The following PCGF5 variants were observed in gnomAD, a reference collection of about 807,000 sequenced individuals.
PCGF5 encodes the protein polycomb group RING finger protein 5.
In PCGF5, 9 loss-of-function variants were observed where a neutral mutation model predicts 44.3. The ratio of observed to expected loss-of-function variants is 0.20; its 90% CI spans 0.12 to 0.35. The LOEUF is 0.35. Ranked by LOEUF, PCGF5 falls within the 10% of genes least tolerant of loss-of-function variation. The probability of loss-of-function intolerance (pLI) is 1.00; values close to 1 mark genes in which losing one functional copy is unlikely to be tolerated. For missense variants in PCGF5, 146 were observed against 305.3 expected (o/e 0.48, Z 3.89); for synonymous variants, 95 against 102.5 (o/e 0.93, Z 0.44).
chr10:91,256,994 C>G (rs542262373), intron 6 of PCGF5, among the ~76,000 whole-genome samples: 1 of 152,016 alleles, frequency 6.6e-6, no homozygotes, highest in Non-Finnish European at 1.5e-5. Flanking sequence ...ATGTAAAACT[C>G]TTGTGTATCA....
At chr10:91,172,545 G>A (rs1040630963) in intron 1 of PCGF5, among the ~76,000 whole-genome samples, 1 of 152,280 alleles carries the variant, frequency 6.6e-6, no homozygotes, top group Non-Finnish European at 1.5e-5. Context: ...CCAAATAAAT[G>A]ACTCCACATC....
At chr10:91,271,542 C>A in intron 8 of PCGF5, 96 bp from the exon 9 acceptor site, 1 of 941,022 alleles carries the variant, frequency 1.1e-6, no homozygotes, top group Non-Finnish European at 1.6e-6. Context: ...ATCATGTTGA[C>A]TCTTGTGTTT....
At chr10:91,259,957 T>C (rs1434991615) in intron 6 of PCGF5, among the ~76,000 whole-genome samples, 1 of 151,336 alleles carries the variant, frequency 6.6e-6, no homozygotes, top group African/African-American at 2.4e-5. Context: ...AAGCCAAAAT[T>C]GACAAATGGG....
intron 6 of PCGF5, among the ~76,000 whole-genome samples, chr10:91,259,342 G>T (rs1012696536): frequency 1.3e-5 from 2 of 152,084 alleles, no homozygotes; most frequent in Non-Finnish European, 2.9e-5. Context: ...GAACCCTATG[G>T]CTCCTCAGGG....
At chr10:91,189,732 G>A (rs1012708655) in intron 1 of PCGF5, among the ~76,000 whole-genome samples, 5 of 152,128 alleles carry the variant, frequency 3.3e-5, no homozygotes, top group African/African-American at 4.8e-5. Flanking sequence ...GTTCTTTTTC[G>A]CTTAGGCCTT....
chr10:91,199,335 G>A (rs1844203123), intron 1 of PCGF5, among the ~76,000 whole-genome samples: 1 of 152,264 alleles, frequency 6.6e-6, no homozygotes. Context: ...CAGAAAAGGA[G>A]TTGAGCTGTA....
At chr10:91,223,029 C>A in intron 2 of PCGF5, 46 bp downstream of exon 2, 4 of 1,250,164 alleles carry the variant, frequency 3.2e-6, no homozygotes, top group Non-Finnish European at 4.6e-6. Flanking sequence ...TTTATATGTA[C>A]ATTTTGTTCT....
At chr10:91,264,968 C>T (rs1846013682) in intron 8 of PCGF5, among the ~76,000 whole-genome samples, 1 of 152,014 alleles carries the variant, frequency 6.6e-6, no homozygotes, top group Non-Finnish European at 1.5e-5. Context: ...ACCTCCTTTT[C>T]GTTGAAAATA....
At chr10:91,201,671 A>G (rs1324201368) in intron 1 of PCGF5, among the ~76,000 whole-genome samples, 1 of 152,092 alleles carries the variant, frequency 6.6e-6, no homozygotes, top group African/African-American at 2.4e-5. Flanking sequence ...AGATTTTTTA[A>G]CACTACTGTA....
At chr10:91,227,686 T>A in intron 2 of PCGF5, 1 of 1,046,608 alleles carries the variant, frequency 9.6e-7, no homozygotes, top group Non-Finnish European at 1.2e-6. Context: ...CCCTAAAATT[T>A]CCTAAAGGTA....
At position 91,280,683 on chromosome 10, in the gene PCGF5, A is replaced by G. The variant is rs1270313975; in HGVS notation, c.*2367A>G. 1.3e-5 allele frequency: 2 copies of G among 152,416 alleles called. No homozygotes were observed. The highest frequency in any genetic ancestry group is 1.9e-4 in the East Asian group (1 of 5,198). The allele number at this position is 152,416 out of a possible 1,614,324, so 9.4% of individuals were successfully genotyped here. A position where few individuals can be genotyped will look rare whatever the true frequency, so the allele number is the denominator to read the frequency against. ...ATTTCTTCAACTGACTTATTTTGGT[A>G]TATTCAACTACAGCTTTCTAAGGAT... On this transcript the variant is annotated 3_prime_UTR_variant, in exon 10 of 10. Transcript: ENST00000336126.
chr10:91,162,439 C>T (rs1843402777), upstream of PCGF5, among the ~76,000 whole-genome samples: 1 of 152,154 alleles, frequency 6.6e-6, no homozygotes, highest in African/African-American at 2.4e-5. Flanking sequence ...GGGAGGCATA[C>T]TGACATTCGA....
At position 91,281,999 on chromosome 10, in the gene PCGF5, A is replaced by G. The variant is rs982459877; in HGVS notation, c.*3683A>G. Reference sequence around the variant, plus strand: ...GTTTTTATTTCATGGAGGCAGTGTTAACTAAAATTAAGCTTAGATTTAGCT... The same window carrying G: ...GTTTTTATTTCATGGAGGCAGTGTTGACTAAAATTAAGCTTAGATTTAGCT... On this transcript the variant is annotated 3_prime_UTR_variant, in exon 10 of 10. Transcript: ENST00000336126. The G allele has an allele frequency of 6.6e-6, 1 of 152,236 alleles. No individual in the cohort carries two copies. Among genetic ancestry groups the G allele is most frequent in the Admixed American group, 6.5e-5 (1 of 15,286 alleles). 9.4% of individuals were successfully genotyped at this position (152,236 alleles called of 1,614,324 possible).
chr10:91,261,499 CTG>C (rs1845907721), intron 7 of PCGF5, 75 bp downstream of exon 7: 4 of 1,306,630 alleles, frequency 3.1e-6, no homozygotes, highest in East Asian at 5.4e-5. Flanking sequence ...AAAGTGAAAA[CTG>C]AGAATATATT....
intron 1 of PCGF5, among the ~76,000 whole-genome samples, chr10:91,208,785 C>T (rs1008890263): frequency 6.6e-6 from 1 of 152,198 alleles, no homozygotes; most frequent in African/African-American, 2.4e-5. Flanking sequence ...GAGCTGGCTT[C>T]AGTTCCTGGT....
At chr10:91,162,879 G>GCGCCGCCGC (rs536747418), upstream of PCGF5, 3 of 147,478 alleles carry the variant, frequency 2.0e-5, no homozygotes, top group Admixed American at 6.8e-5. Flanking sequence ...GCCGCCGCCA[G>GCGCCGCCGC]CGCCGCCGCC....
At chr10:91,177,769 G>T (rs1460366617) in intron 1 of PCGF5, among the ~76,000 whole-genome samples, 1 of 152,198 alleles carries the variant, frequency 6.6e-6, no homozygotes, top group East Asian at 1.9e-4. Flanking sequence ...GCAGTATTAG[G>T]GTGGGAGTGA....
chr10:91,261,709 C>G (rs1845914982), intron 7 of PCGF5, among the ~76,000 whole-genome samples: 1 of 152,024 alleles, frequency 6.6e-6, no homozygotes, highest in Non-Finnish European at 1.5e-5. Flanking sequence ...ATAAATATAC[C>G]AGCTAAATGT....
intron 6 of PCGF5, among the ~76,000 whole-genome samples, chr10:91,257,692 A>G (rs1329054339): frequency 2.0e-5 from 3 of 152,252 alleles, no homozygotes; most frequent in African/African-American, 7.2e-5. Flanking sequence ...AATTGTATGC[A>G]GCTTAAAACT....
Sources: gnomAD v4.1 joint callset for allele counts (sites outside exome capture counted in the v4.1 genomes callset) on GRCh38, gnomAD v4.1.1 for gene constraint, MANE v1.5 for transcripts, NCBI Gene and HGNC (gene_info 2026-07-23, HGNC 2026-07-21) for gene names.